CYRIA: variants seen among roughly 807,000 people sequenced by gnomAD.
CYRIA encodes the protein CYFIP-related Rac1 interactor A.
In CYRIA, 15 loss-of-function variants were observed where a neutral mutation model predicts 43.9. That is an observed-to-expected ratio of 0.34 (90% CI 0.23 to 0.53). The LOEUF is 0.53. CYRIA is among the 20% of genes least tolerant of loss of function. The pLI is 0.94. For synonymous variants in CYRIA, 117 were observed against 136.0 expected, an observed-to-expected ratio of 0.86 and a Z score of 0.97; for missense variants, 236 against 394.2, an observed-to-expected ratio of 0.60 and a Z score of 3.40.
chr2:16,585,840 T>G (rs1264143731), intron 3 of CYRIA, among the ~76,000 whole-genome samples: 3 of 152,066 alleles, frequency 2.0e-5, no homozygotes, highest in Non-Finnish European at 4.4e-5. Context: ...GGGATGGAAT[T>G]TTCTAACATA....
rs1255304520 is a variant in CYRIA, at chr2:16,641,327, G to A, written c.-166-17308C>T. Among the ~76,000 whole-genome samples the A allele has an allele frequency of 3.3e-5, 5 of 152,116 alleles. No homozygotes were observed. The South Asian group carries it at 8.3e-4, about 25-fold the overall frequency. Reference sequence around the variant, plus strand: ...CTCTTCCTTCTCCTCCGTATGCCACGCCTTCAGCCCAGGGTCCCCTTTCCA... The same window carrying A: ...CTCTTCCTTCTCCTCCGTATGCCACACCTTCAGCCCAGGGTCCCCTTTCCA... On this transcript the variant is annotated intron_variant, in intron 1 of 11. Transcript: ENST00000381323.
chr2:16,555,725 G>A (rs1354800574), intron 10 of CYRIA, among the ~76,000 whole-genome samples: 1 of 151,950 alleles, frequency 6.6e-6, no homozygotes, highest in Non-Finnish European at 1.5e-5. Flanking sequence ...CTCCCAATAC[G>A]ACTCTGTCAT....
intron 1 of CYRIA, among the ~76,000 whole-genome samples, chr2:16,645,228 C>T (rs1669785863): frequency 6.6e-6 from 1 of 152,186 alleles, no homozygotes. Context: ...AATGAATTAA[C>T]TCACCTATTC....
chr2:16,632,121 A>G (rs1669345097), intron 1 of CYRIA, among the ~76,000 whole-genome samples: 1 of 152,164 alleles, frequency 6.6e-6, no homozygotes, highest in South Asian at 2.1e-4. Context: ...GAGGCACAGC[A>G]CTCTGGGCTG....
At chr2:16,634,956 T>A (rs1669448955) in intron 1 of CYRIA, among the ~76,000 whole-genome samples, 1 of 152,220 alleles carries the variant, frequency 6.6e-6, no homozygotes, top group Admixed American at 6.5e-5. Context: ...ACTGAATGGA[T>A]CCATAAGATG....
At chr2:16,553,040 GC>G in intron 11 of CYRIA, 41 bp from the exon 12 acceptor site, 2 of 1,267,444 alleles carry the variant, frequency 1.6e-6, no homozygotes, top group Non-Finnish European at 1.2e-6. Flanking sequence ...GGCAAACAGT[GC>G]TCTGTGTAAG....
intron 9 of CYRIA, chr2:16,560,782 A>C (rs990087725): frequency 4.0e-5 from 23 of 578,280 alleles, no homozygotes; most frequent in African/African-American, 3.9e-4. Flanking sequence ...TTGGGAAGTC[A>C]GTCAACCACT....
intron 2 of CYRIA, chr2:16,623,273 T>C (rs912996374): frequency 6.6e-6 from 1 of 152,164 alleles, no homozygotes; most frequent in Non-Finnish European, 1.5e-5. Flanking sequence ...GTGGCCACAT[T>C]CCTTGCACAT....
chr2:16,582,997 T>C (rs1374086591), intron 3 of CYRIA, among the ~76,000 whole-genome samples: 1 of 152,190 alleles, frequency 6.6e-6, no homozygotes, highest in Non-Finnish European at 1.5e-5. Flanking sequence ...GATAATCCCA[T>C]TTTTTTCACA....
intron 3 of CYRIA, among the ~76,000 whole-genome samples, chr2:16,584,264 CCTT>C (rs983460759): frequency 1.3e-5 from 2 of 152,158 alleles, no homozygotes; most frequent in African/African-American, 4.8e-5. Context: ...TACACTCCCT[CCTT>C]CTTGATCACA....
intron 4 of CYRIA, among the ~76,000 whole-genome samples, 155 bp downstream of exon 4, chr2:16,565,491 A>G (rs1666896485): frequency 6.6e-6 from 1 of 151,980 alleles, no homozygotes; most frequent in Non-Finnish European, 1.5e-5. Context: ...CGGCCCATGC[A>G]TTTTGTTTTT....
intron 10 of CYRIA, among the ~76,000 whole-genome samples, chr2:16,558,794 T>A (rs1215371080): frequency 1.3e-5 from 2 of 151,854 alleles, no homozygotes; most frequent in Non-Finnish European, 2.9e-5. Flanking sequence ...CCTGTCCTTG[T>A]CAAGAAATTG....
At chr2:16,618,749 G>A (rs978458924) in intron 2 of CYRIA, among the ~76,000 whole-genome samples, 9 of 152,144 alleles carry the variant, frequency 5.9e-5, no homozygotes, top group Admixed American at 5.9e-4. Context: ...CTTATAAGGT[G>A]GTGAGTTCAC....
chr2:16,611,219 G>T, intron 2 of CYRIA, among the ~76,000 whole-genome samples: 1 of 148,082 alleles, frequency 6.8e-6, no homozygotes, highest in East Asian at 2.0e-4. Flanking sequence ...AAAAAAAATA[G>T]CTGGGTGTGG....
At chr2:16,562,845 C>T (rs955812675) in intron 5 of CYRIA, among the ~76,000 whole-genome samples, 3 of 152,006 alleles carry the variant, frequency 2.0e-5, no homozygotes, top group East Asian at 3.9e-4. Context: ...CACAGACGTG[C>T]TCATTCTGTT....
chr2:16,591,180 A>G (rs1458251445), intron 2 of CYRIA, among the ~76,000 whole-genome samples: 1 of 152,206 alleles, frequency 6.6e-6, no homozygotes, highest in Non-Finnish European at 1.5e-5. Context: ...TCAATAAAAT[A>G]ACTTTGGTTA....
chr2:16,565,173 CT>C (rs764614510), intron 4 of CYRIA, among the ~76,000 whole-genome samples: 35 of 147,280 alleles, frequency 2.4e-4, no homozygotes, highest in Non-Finnish European at 3.3e-4. Context: ...GCGATTCATG[CT>C]CTTTTTTTTT....
At chr2:16,609,813 G>C (rs1167709119) in intron 2 of CYRIA, among the ~76,000 whole-genome samples, 2 of 151,828 alleles carry the variant, frequency 1.3e-5, no homozygotes, top group Non-Finnish European at 2.9e-5. Context: ...ATATTACAGG[G>C]GAAAAGAGGT....
At chr2:16,563,283 C>G (rs1325450988) in intron 5 of CYRIA, among the ~76,000 whole-genome samples, 9 of 152,136 alleles carry the variant, frequency 5.9e-5, no homozygotes, top group Admixed American at 5.9e-4. Context: ...CATTCAAGTA[C>G]TTCCCTTCGT....
Sources: allele counts gnomAD v4.1 joint callset (sites outside exome capture counted in the v4.1 genomes callset), GRCh38; gene constraint gnomAD v4.1.1; transcripts MANE v1.5; gene names NCBI Gene and HGNC (gene_info 2026-07-23, HGNC 2026-07-21).